The following SMTNL2 variants were observed in gnomAD, a reference collection of about 807,000 sequenced individuals.
SMTNL2 encodes smoothelin like 2, also known as smoothelin-like protein 2.
Under a neutral mutation model 44.1 loss-of-function variants are expected in SMTNL2, and 43 were observed. The observed-to-expected ratio is 0.98, with a 90% CI of 0.76 to 1.26. The LOEUF (loss-of-function observed/expected upper bound fraction) is 1.26. SMTNL2 is among the 50% of genes most tolerant of loss of function. The pLI is 0.00. For missense variants in SMTNL2, 646 were observed against 670.2 expected, an observed-to-expected ratio of 0.96 and a Z score of 0.40; for synonymous variants, 317 against 287.6, an observed-to-expected ratio of 1.10 and a Z score of -1.03.
chr17:4,591,272 G>C (rs1031296216), intron 1 of SMTNL2, among the ~76,000 whole-genome samples: 1 of 152,198 alleles, frequency 6.6e-6, no homozygotes, highest in East Asian at 1.9e-4. Flanking sequence ...TCATTTGCCT[G>C]GGAACCTTGT....
intron 7 of SMTNL2, among the ~76,000 whole-genome samples, chr17:4,601,941 A>C (rs569297273): frequency 2.0e-5 from 3 of 152,166 alleles, no homozygotes; most frequent in South Asian, 4.2e-4. Flanking sequence ...TATAAATGTC[A>C]ATGCTGATCA....
chr17:4,595,225 G>T lies in SMTNL2; in HGVS notation c.887G>T (p.Arg296Leu). 6.2e-7 allele frequency: 1 copy of T among 1,613,242 alleles called. No homozygotes were observed. The highest frequency in any genetic ancestry group is 8.5e-7 in the Non-Finnish European group (1 of 1,179,974). ...ACTCAGGTCCATCGGCAGGGGGAGC[G>T]TCGCAGGGAGCTGGTGAGGTCGCAG... The part of the protein sequence containing the change: ...AITQVHRQGE[R>L]RRELVRSQTL... Residue 296 changes from arginine (R) to leucine (L), a missense_variant, in exon 5 of 8, where the codon CGT becomes CTT. Arg to Leu is a moderately radical substitution (Grantham distance 102). Coordinates refer to ENST00000389313, the MANE Select transcript of SMTNL2 (RefSeq NM_001114974.2). The surrounding 1 kb of genome is among the most constrained non-coding windows in gnomAD (Gnocchi z 5.1).
Position 4,595,304 on chromosome 17 carries a change from G to A in SMTNL2, c.966G>A (p.Trp322Ter). 1 of 1,612,790 alleles carries A rather than the reference G, an allele frequency of 6.2e-7. No individual in the cohort carries two copies. The highest frequency in any genetic ancestry group is 8.5e-7 in the Non-Finnish European group (1 of 1,179,524). ...AQARKALFEKWEQETAAGKGK... is the reference protein window; with the variant it reads ...AQARKALFEK ...CCCGGAAAGCATTGTTTGAGAAGTG[G>A]GAGCAGGAAACGGCGGCCGGCAAGT... Residue 322 changes from tryptophan to a stop codon, truncating the protein, a stop_gained, in exon 5 of 8, where the codon TGG becomes TGA. Transcript: ENST00000389313. LOFTEE classifies it high-confidence loss of function. The surrounding 1 kb of genome is among the most constrained non-coding windows in gnomAD (Gnocchi z 5.1).
intron 1 of SMTNL2, among the ~76,000 whole-genome samples, chr17:4,588,542 G>A (rs1032944923): frequency 2.6e-5 from 4 of 152,338 alleles, no homozygotes; most frequent in East Asian, 3.9e-4. Context: ...GCATGACGGC[G>A]ACAGGCTGCC....
rs985810757 is a variant in SMTNL2 at position 4,596,847 on chromosome 17, C to T, written c.990-13C>T. The T allele has an allele frequency of 1.9e-5, 28 of 1,439,924 alleles. No individual in the cohort carries two copies. Among genetic ancestry groups the T allele is most frequent in the African/African-American group, 2.9e-5 (2 of 69,464 alleles). 89.2% of individuals were successfully genotyped at this position (1,439,924 alleles called of 1,614,324 possible). ...GGAGGGGCCCCCGCAGCAGGCCTGC[C>T]GTCTCTCCGCAGGGGGAAAGGCGAG... On this transcript the variant is annotated splice_polypyrimidine_tract_variant and intron_variant, in intron 5 of 7. Transcript: ENST00000389313.
chr17:4,593,689 T>G (rs1909677778), intron 3 of SMTNL2, 133 bp from the exon 4 acceptor site: 4 of 831,804 alleles, frequency 4.8e-6, no homozygotes, highest in Non-Finnish European at 7.6e-6. Flanking sequence ...CAGGGCCAGC[T>G]TAGCCCAGAA....
Position 4,593,076 on chromosome 17 carries a change from C to G in SMTNL2, c.635C>G (p.Ser212Ter). The G allele has an allele frequency of 6.2e-7, 1 of 1,614,002 alleles. No homozygotes were observed. The change falls in exon 3 of 8, where the codon TCA becomes TGA. Residue 212 changes from serine to a stop codon, truncating the protein, a stop_gained. Transcript: ENST00000389313. LOFTEE classifies it high-confidence loss of function. ...RVSDRFSGET[S>*]AAALSPMSAA... is the part of the protein sequence containing the mutation. ...TCTGACAGGTTCTCTGGGGAGACCT[C>G]AGCTGCGGCTCTATCACCCATGTCT... is the stretch of plus-strand genomic sequence containing the variant.
At position 4,607,351 on chromosome 17, in the gene SMTNL2, T is replaced by C. The variant is rs1417467694; in HGVS notation, c.1260-10T>C. The C allele has an allele frequency of 6.2e-7, 1 of 1,613,830 alleles. No homozygotes were observed. The highest frequency in any genetic ancestry group is 8.5e-7 in the Non-Finnish European group (1 of 1,179,962). ...GGGACCACCGTTCTGACGGGGCTTG[T>C]GTGTTTCAGGAATCTGGCCAACTGT... On this transcript the variant is annotated splice_polypyrimidine_tract_variant and intron_variant, in intron 7 of 7. Transcript: ENST00000389313. This position sits in a 1 kb window ranked among gnomAD's most constrained non-coding sequence, Gnocchi z 4.7.
intron 7 of SMTNL2, 131 bp downstream of exon 7, chr17:4,597,454 T>C: frequency 7.9e-7 from 1 of 1,261,316 alleles, no homozygotes; most frequent in Non-Finnish European, 1.1e-6. Context: ...CCTGGGGCCA[T>C]GTGGTCTGTG....
At position 4,607,381 on chromosome 17, in the gene SMTNL2, G is replaced by A. The variant is rs141427435; in HGVS notation, c.1280G>A (p.Arg427His). ...TMAENLANCE[R>H]LIEVEDMMVM... ...TTCAGGAATCTGGCCAACTGTGAGC[G>A]CCTCATCGAAGTGGAGGACATGATG... The change falls in exon 8 of 8, where the codon CGC becomes CAC. Residue 427 changes from arginine to histidine, a missense_variant. Arg to His is a conservative substitution (Grantham distance 29, BLOSUM62 0). Coordinates refer to ENST00000389313, the MANE Select transcript of SMTNL2 (RefSeq NM_001114974.2). This position sits in a 1 kb window ranked among gnomAD's most constrained non-coding sequence, Gnocchi z 4.7. 5.9e-5 allele frequency: 96 copies of A among 1,614,112 alleles called. No homozygotes were observed. Among genetic ancestry groups the A allele is most frequent in the Non-Finnish European group, 7.6e-5 (90 of 1,180,000 alleles).
In SMTNL2 at chr17:4,584,917, C is replaced by G. The variant is rs1345950445; in HGVS notation, c.312C>G (p.Pro104=). ...CTCCCGGCACGCCCAGCCCCCCGCC[C>G]GCGCCCGGGGTTCCCGACCGCGCGC... ...PGTPGTPSPP[P]APGVPDRAPR... is the part of the protein sequence containing the mutation. Residue 104 remains proline, a synonymous_variant, in exon 1 of 8, where the codon CCC becomes CCG. Coordinates refer to ENST00000389313, the MANE Select transcript of SMTNL2 (RefSeq NM_001114974.2). 1.5e-6 allele frequency: 2 copies of G among 1,294,426 alleles called. No individual in the cohort carries two copies. The highest frequency in any genetic ancestry group is 1.9e-6 in the Non-Finnish European group (2 of 1,027,104). The allele number at this position is 1,294,426 out of a possible 1,614,324, so 80.2% of individuals were successfully genotyped here.
At position 4,608,165 on chromosome 17, in the gene SMTNL2, G is replaced by C. The variant is rs1350744077; in HGVS notation, c.*678G>C. 1 of 152,176 alleles carries C rather than the reference G, an allele frequency of 6.6e-6. No homozygotes were observed. Among genetic ancestry groups the C allele is most frequent in the Non-Finnish European group, 1.5e-5 (1 of 68,042 alleles). The allele number at this position is 152,176 out of a possible 1,614,324, so 9.4% of individuals were successfully genotyped here. A position where few individuals can be genotyped will look rare whatever the true frequency, so the allele number is the denominator to read the frequency against. On this transcript the variant is annotated 3_prime_UTR_variant, in exon 8 of 8. Transcript: ENST00000389313. ...TGTTTGGCTAAGCACAGGCTCTCGG[G>C]AATTTAACACTTTTGGGGAAGGAAT... is the stretch of plus-strand genomic sequence containing the variant.
intron 1 of SMTNL2, among the ~76,000 whole-genome samples, chr17:4,585,609 C>T (rs898756676): frequency 7.2e-5 from 11 of 152,228 alleles, no homozygotes; most frequent in Admixed American, 6.5e-5. Flanking sequence ...CTAGATTCCT[C>T]GGGTCAGTGA....
At chr17:4,603,008 C>T (rs984605046) in intron 7 of SMTNL2, among the ~76,000 whole-genome samples, 2 of 152,194 alleles carry the variant, frequency 1.3e-5, no homozygotes, top group East Asian at 1.9e-4. Context: ...ATCTGGACAG[C>T]GGAGGATGAC....
chr17:4,606,542 G>A (rs1482219887), intron 7 of SMTNL2, among the ~76,000 whole-genome samples: 5 of 151,922 alleles, frequency 3.3e-5, no homozygotes, highest in Admixed American at 6.6e-5. Context: ...TGGGAAGATC[G>A]CTTGAGGCAG....
At chr17:4,591,463 G>A (rs183781289) in intron 1 of SMTNL2, among the ~76,000 whole-genome samples, 4 of 152,338 alleles carry the variant, frequency 2.6e-5, no homozygotes, top group Admixed American at 6.5e-5. Flanking sequence ...GTTTTTTGCT[G>A]TATAACTTTG....
intron 1 of SMTNL2, among the ~76,000 whole-genome samples, chr17:4,586,763 G>A (rs1188602071): frequency 6.6e-6 from 1 of 152,190 alleles, no homozygotes; most frequent in East Asian, 1.9e-4. Context: ...GCTGGGCCGT[G>A]GGCCTTGGTG....
At chr17:4,605,045 C>T (rs1910210822) in intron 7 of SMTNL2, among the ~76,000 whole-genome samples, 1 of 151,426 alleles carries the variant, frequency 6.6e-6, no homozygotes, top group African/African-American at 2.4e-5. Context: ...TTGAACTCTA[C>T]TGTTTTGATC....
In SMTNL2 at chr17:4,597,278, C is replaced by G. The variant is rs755156353; in HGVS notation, c.1214C>G (p.Pro405Arg). The G allele has an allele frequency of 6.2e-7, 1 of 1,614,184 alleles. No homozygotes were observed. Among genetic ancestry groups the G allele is most frequent in the South Asian group, 1.1e-5 (1 of 91,084 alleles). Residue 405 changes from proline to arginine, a missense_variant, in exon 7 of 8, where the codon CCC (proline) becomes CGC (arginine). Transcript: ENST00000389313. ...GCCTTTGACTACAACTCCCTGAGCC[C>G]CACGCAGAGGCAGAAGAACTTCGAG... ...PDAFDYNSLS[P>R]TQRQKNFELA...
Sources: allele counts gnomAD v4.1 joint callset (sites outside exome capture counted in the v4.1 genomes callset), GRCh38; gene constraint gnomAD v4.1.1; non-coding constraint Gnocchi (gnomAD v3.1); transcripts MANE v1.5; gene names NCBI Gene and HGNC (gene_info 2026-07-23, HGNC 2026-07-21).